SEMA3A: variants seen among roughly 807,000 people sequenced by gnomAD.
The protein encoded by SEMA3A is semaphorin 3A, also known as semaphorin-3A.
Under a neutral mutation model 97.9 loss-of-function variants are expected in SEMA3A, and 29 were observed. That is an observed-to-expected ratio of 0.30 (90% confidence interval 0.22 to 0.40). The LOEUF is 0.40. SEMA3A is among the 10% of genes least tolerant of loss of function. SEMA3A has a pLI of 1.00. For synonymous variants in SEMA3A, 321 were observed against 323.7 expected, an observed-to-expected ratio of 0.99 and a Z score of 0.09; for missense variants, 763 against 951.3, an observed-to-expected ratio of 0.80 and a Z score of 2.60.
intron 1 of SEMA3A, among the ~76,000 whole-genome samples, chr7:84,452,185 T>C (rs1393962912): frequency 6.6e-6 from 1 of 152,170 alleles, no homozygotes; most frequent in African/African-American, 2.4e-5. Flanking sequence ...GGCTTCAAAG[T>C]TCAGTGTTTG....
chr7:84,026,353 C>T (rs950100214), intron 6 of SEMA3A, among the ~76,000 whole-genome samples: 5 of 152,250 alleles, frequency 3.3e-5, no homozygotes, highest in Admixed American at 3.3e-4. Flanking sequence ...CAATTCTCTA[C>T]TAATAATTTT....
At chr7:84,066,982 G>T (rs1260896892) in intron 4 of SEMA3A, among the ~76,000 whole-genome samples, 1 of 151,986 alleles carries the variant, frequency 6.6e-6, no homozygotes, top group Non-Finnish European at 1.5e-5. Flanking sequence ...TAAGCCAAAA[G>T]AACAAAGCTG....
At chr7:84,026,584 T>A (rs552488224) in intron 6 of SEMA3A, among the ~76,000 whole-genome samples, 1 of 152,060 alleles carries the variant, frequency 6.6e-6, no homozygotes, top group Non-Finnish European at 1.5e-5. Context: ...AGCAAAGACA[T>A]GGAATCAACC....
At chr7:84,051,596 TAAG>T (rs1792658112) in intron 5 of SEMA3A, among the ~76,000 whole-genome samples, 2 of 152,322 alleles carry the variant, frequency 1.3e-5, no homozygotes, top group African/African-American at 4.8e-5. Flanking sequence ...CTTATCAGCT[TAAG>T]GAGATTTTGG....
At chr7:84,250,938 T>C (rs1289434123) in intron 3 of SEMA3A, among the ~76,000 whole-genome samples, 1 of 152,224 alleles carries the variant, frequency 6.6e-6, no homozygotes, top group Non-Finnish European at 1.5e-5. Flanking sequence ...TGACAAAGTA[T>C]GCGTATGTCC....
chr7:83,994,390 C>T (rs1341072445), intron 12 of SEMA3A, among the ~76,000 whole-genome samples: 1 of 119,980 alleles, frequency 8.3e-6, no homozygotes, highest in African/African-American at 3.1e-5. Flanking sequence ...AGGAGAGGTG[C>T]TCTGCTTTTT....
chr7:84,057,553 T>C (rs1234812618), intron 5 of SEMA3A, among the ~76,000 whole-genome samples: 1 of 151,676 alleles, frequency 6.6e-6, no homozygotes, highest in Non-Finnish European at 1.5e-5. Flanking sequence ...GATCACGAGG[T>C]CAGGAGTTCG....
At chr7:84,010,023 G>A (rs1263274469) in intron 9 of SEMA3A, among the ~76,000 whole-genome samples, 5 of 150,892 alleles carry the variant, frequency 3.3e-5, no homozygotes, top group Non-Finnish European at 7.4e-5. Context: ...CTTTTTATGT[G>A]ATTATAATGT....
In SEMA3A at chr7:84,314,846, A is replaced by G. The variant is rs77388253; in HGVS notation, c.-168-7554T>C. ...AAATTGCCAGCTAAGACTCGATTAG[A>G]AAGTCATTTTTTCAAGTAAAAGCTG... On this transcript the variant is annotated intron_variant, in intron 2 of 3. Transcript: ENST00000424555. Among the ~76,000 whole-genome samples the G allele has an allele frequency of 5.8e-3, 889 of 152,316 alleles. 4 individuals are homozygous for G. The highest frequency in any genetic ancestry group is 9.9e-3 in the Non-Finnish European group (676 of 68,000).
At chr7:84,348,371 G>A (rs2116014072) in intron 2 of SEMA3A, among the ~76,000 whole-genome samples, 1 of 152,132 alleles carries the variant, frequency 6.6e-6, no homozygotes, top group African/African-American at 2.4e-5. Context: ...AACTCTCTTA[G>A]CATTAGCTAA....
chr7:84,161,917 A>G (rs1797047601), intron 1 of SEMA3A, among the ~76,000 whole-genome samples: 1 of 152,182 alleles, frequency 6.6e-6, no homozygotes, highest in Non-Finnish European at 1.5e-5. Context: ...ATATGAGCTT[A>G]TTATTAAAAA....
In SEMA3A at chr7:84,268,278, TG is replaced by T. The variant is rs1800058531; in HGVS notation, c.-83+38928del. Among the ~76,000 whole-genome samples, 5 of 151,596 alleles carry T rather than the reference TG, an allele frequency of 3.3e-5. 1 individual carries two copies. The highest frequency in any genetic ancestry group is 1.2e-4 in the African/African-American group (5 of 41,318). On this transcript the variant is annotated intron_variant, in intron 3 of 3. Transcript: ENST00000424555. ...GTGTGTGTGTGTGTGTGTGTGTGTG[TG>T]TGTGTGTGTGTGTGTGCAGGTGCTC...
rs200626686 is a variant in SEMA3A, at chr7:84,357,992, C to T, written c.-169+13832G>A. On this transcript the variant is annotated intron_variant, in intron 2 of 3. Coordinates refer to the SEMA3A transcript ENST00000424555. ...ACTTGTTGATGGGGTTGTTTGTTTT[C>T]TTCTTGTAAATTTGTTTGAGTTCTT... Among the ~76,000 whole-genome samples, 161 of 151,880 alleles carry T rather than the reference C, an allele frequency of 1.1e-3. 6 individuals are homozygous for T. The South Asian group carries it at 0.032, about 31-fold the overall frequency.
At chr7:84,348,175 A>C (rs1802348775) in intron 2 of SEMA3A, among the ~76,000 whole-genome samples, 1 of 152,158 alleles carries the variant, frequency 6.6e-6, no homozygotes, top group Admixed American at 6.6e-5. Context: ...CTTATCAAAA[A>C]AATTAATGTG....
At chr7:84,188,677 C>T (rs1797955452) in intron 1 of SEMA3A, among the ~76,000 whole-genome samples, 1 of 151,812 alleles carries the variant, frequency 6.6e-6, no homozygotes, top group Non-Finnish European at 1.5e-5. Context: ...ATCTCTGCTT[C>T]CATCATTCTA....
At chr7:84,242,203 T>A (rs1228683137) in intron 3 of SEMA3A, among the ~76,000 whole-genome samples, 1 of 152,204 alleles carries the variant, frequency 6.6e-6, no homozygotes, top group Admixed American at 6.5e-5. Flanking sequence ...GTATTGAATC[T>A]ATAAATTCGT....
At chr7:84,138,209 T>C (rs1796201396) in intron 1 of SEMA3A, among the ~76,000 whole-genome samples, 1 of 150,218 alleles carries the variant, frequency 6.7e-6, no homozygotes, top group Non-Finnish European at 1.5e-5. Context: ...GACTGAAAAC[T>C]ATATATATTT....
chr7:84,068,534 G>T (rs954196346), intron 4 of SEMA3A, among the ~76,000 whole-genome samples: 1 of 151,690 alleles, frequency 6.6e-6, no homozygotes, highest in African/African-American at 2.4e-5. Flanking sequence ...ATTAAAATAT[G>T]TATATGCGAC....
chr7:84,253,688 G>A (rs1207669173), intron 3 of SEMA3A, among the ~76,000 whole-genome samples: 1 of 152,132 alleles, frequency 6.6e-6, no homozygotes, highest in Non-Finnish European at 1.5e-5. Context: ...ATCTTGGAAG[G>A]AGGGATAGAG....
Sources: gnomAD v4.1 joint callset for allele counts (sites outside exome capture counted in the v4.1 genomes callset) on GRCh38, gnomAD v4.1.1 for gene constraint, MANE v1.5 for transcripts, NCBI Gene and HGNC (gene_info 2026-07-23, HGNC 2026-07-21) for gene names.